SPTA1: variants seen among roughly 807,000 people sequenced by gnomAD.
SPTA1 encodes the protein spectrin alpha chain, erythrocytic 1.
In SPTA1, 177 loss-of-function variants were observed where a neutral mutation model predicts 324.7. The observed-to-expected ratio is 0.55, with a 90% CI of 0.48 to 0.62. SPTA1 has a LOEUF of 0.62. Ranked by LOEUF, SPTA1 falls within the 20% of genes least tolerant of loss-of-function variation. The pLI is 0.00. For synonymous variants in SPTA1, 1,195 were observed against 1,041.3 expected (o/e 1.15, Z -2.84); for missense variants, 3,162 against 2,883.6 (o/e 1.10, Z -2.21).
intron 15 of SPTA1, 127 bp downstream of exon 15, chr1:158,667,731 C>A (rs912372800): frequency 1.3e-5 from 13 of 972,182 alleles, no homozygotes; most frequent in Non-Finnish European, 1.8e-5. Context: ...AAAAGAAAGA[C>A]ACATGGAAGC....
chr1:158,684,660 A>T (rs900901488), intron 2 of SPTA1, among the ~76,000 whole-genome samples: 1 of 152,112 alleles, frequency 6.6e-6, no homozygotes, highest in Admixed American at 6.6e-5. Flanking sequence ...ATACACTTAC[A>T]TTACCATAAT....
chr1:158,651,795 T>C (rs534145503), intron 23 of SPTA1, among the ~76,000 whole-genome samples: 15 of 152,008 alleles, frequency 9.9e-5, no homozygotes, highest in Non-Finnish European at 2.2e-4. Flanking sequence ...TTTCTACCAG[T>C]ACAAACTCCA....
intron 40 of SPTA1, 78 bp from the exon 41 acceptor site, chr1:158,627,085 A>G: frequency 6.4e-7 from 1 of 1,562,956 alleles, no homozygotes; most frequent in South Asian, 1.1e-5. Context: ...AATAGAAAGC[A>G]CTCATCTCTC....
At chr1:158,656,685 A>G (rs1289942461) in intron 19 of SPTA1, 29 bp from the exon 20 acceptor site, 2 of 1,574,388 alleles carry the variant, frequency 1.3e-6, no homozygotes, top group African/African-American at 1.4e-5. Flanking sequence ...GATCATCAGA[A>G]TGAATATAGG....
At chr1:158,656,066 C>T (rs965062899) in intron 20 of SPTA1, among the ~76,000 whole-genome samples, 1 of 152,136 alleles carries the variant, frequency 6.6e-6, no homozygotes, top group African/African-American at 2.4e-5. Context: ...ACACAAGAGG[C>T]CTTTCTTTGA....
chr1:158,647,427 A>C, intron 27 of SPTA1, 112 bp downstream of exon 27: 1 of 1,337,558 alleles, frequency 7.5e-7, no homozygotes, highest in Non-Finnish European at 1.1e-6. Flanking sequence ...AAGAGGTGAG[A>C]CTTAAACGTA....
At chr1:158,620,060 C>T in intron 44 of SPTA1, 110 bp downstream of exon 44, 2 of 1,353,896 alleles carry the variant, frequency 1.5e-6, no homozygotes, top group Non-Finnish European at 2.1e-6. Context: ...ACTTCTGTCC[C>T]AGTATAGTTA....
intron 39 of SPTA1, among the ~76,000 whole-genome samples, chr1:158,628,716 ATT>A (rs1650461960): frequency 6.6e-6 from 1 of 152,142 alleles, no homozygotes; most frequent in Admixed American, 6.5e-5. Context: ...TTCGCCTTCT[ATT>A]TTCAAATAAT....
At chr1:158,614,680 A>T (rs1649451908) in intron 48 of SPTA1, 2 of 212,580 alleles carry the variant, frequency 9.4e-6, no homozygotes, top group Non-Finnish European at 1.9e-5. Context: ...GAGTTACAGC[A>T]GAAAATATAT....
chr1:158,614,019 G>T lies in SPTA1; in HGVS notation c.6843-152C>A. 7 of 958,528 alleles carry T rather than the reference G, an allele frequency of 7.3e-6. No homozygotes were observed. In the South Asian group the frequency reaches 8.0e-5, roughly 11 times the overall value. 59.4% of individuals were successfully genotyped at this position (958,528 alleles called of 1,614,324 possible). ...TGAATACAAAGCCTGTCTGTGTCAT[G>T]TACATTTTTTTAACCTAATGGATAG... On this transcript the variant is annotated intron_variant, in intron 49 of 51. Transcript: ENST00000643759.
intron 43 of SPTA1, among the ~76,000 whole-genome samples, chr1:158,621,056 T>G (rs769061345): frequency 2.0e-5 from 3 of 152,168 alleles, no homozygotes; most frequent in Non-Finnish European, 4.4e-5. Flanking sequence ...TTCAAACCAC[T>G]GCTTAAACTT....
chr1:158,642,785 A>G, intron 32 of SPTA1, 29 bp downstream of exon 32: 3 of 1,613,680 alleles, frequency 1.9e-6, no homozygotes, highest in Non-Finnish European at 2.5e-6. Context: ...GAATGGTGAA[A>G]TTTTCCAAGA....
intron 22 of SPTA1, 118 bp downstream of exon 22, chr1:158,653,156 A>G: frequency 6.7e-7 from 1 of 1,501,206 alleles, no homozygotes; most frequent in Non-Finnish European, 9.2e-7. Context: ...CGATTCTTAA[A>G]ATCTTCAGAT....
chr1:158,637,834 C>A (rs1327194721), intron 36 of SPTA1, among the ~76,000 whole-genome samples, 199 bp downstream of exon 36: 42 of 152,204 alleles, frequency 2.8e-4, no homozygotes, highest in Admixed American at 2.7e-3. Flanking sequence ...TTCCTCCACA[C>A]CTGTCTTTCT....
At chr1:158,675,233 T>G (rs1654314987) in intron 8 of SPTA1, among the ~76,000 whole-genome samples, 1 of 152,194 alleles carries the variant, frequency 6.6e-6, no homozygotes, top group African/African-American at 2.4e-5. Context: ...GAATTAATAC[T>G]GAAATGATGC....
intron 27 of SPTA1, among the ~76,000 whole-genome samples, chr1:158,647,015 C>G (rs1245232752): frequency 1.3e-5 from 2 of 152,092 alleles, no homozygotes; most frequent in Non-Finnish European, 2.9e-5. Flanking sequence ...CTTACCACCC[C>G]CTCCCCAAAC....
In SPTA1 at chr1:158,615,504, ATCT is replaced by A. The variant is rs1404154839; in HGVS notation, c.6601-104_6601-102del. On this transcript the variant is annotated intron_variant, in intron 47 of 51. Coordinates refer to ENST00000643759, the MANE Select transcript of SPTA1 (RefSeq NM_003126.4). ...TAACAGGCTGATTTTATTTTCAGGA[ATCT>A]TCTTGTTCTCTGTGAAAAGATGAAC... 5.0e-5 allele frequency: 60 copies of A among 1,190,284 alleles called. No homozygotes were observed. In the East Asian group the frequency reaches 1.3e-3, roughly 26 times the overall value. 73.7% of individuals were successfully genotyped at this position (1,190,284 alleles called of 1,614,324 possible).
chr1:158,613,830 T>C lies in SPTA1; in HGVS notation c.6880A>G (p.Lys2294Glu), dbSNP rs1649395519. Residue 2294 changes from lysine (K) to glutamate (E), a missense_variant, in exon 50 of 52, where the codon AAA (lysine) becomes GAA (glutamate). Transcript: ENST00000643759. ...DENLTGRLTHKEFRSCLRGLN... is the reference protein window; with the variant it reads ...DENLTGRLTHEEFRSCLRGLN... ...CCTCTCAGGCAGGACCGGAACTCTT[T>C]GTGAGTCAGGCGCCCTGTCAAATTC... The C allele has an allele frequency of 6.2e-7, 1 of 1,613,866 alleles. No individual in the cohort carries two copies. Among genetic ancestry groups the C allele is most frequent in the Non-Finnish European group, 8.5e-7 (1 of 1,179,916 alleles).
chr1:158,682,320 A>C (rs1245192813), intron 3 of SPTA1, among the ~76,000 whole-genome samples: 1 of 152,178 alleles, frequency 6.6e-6, no homozygotes, highest in Non-Finnish European at 1.5e-5. Flanking sequence ...TGTGGACCAC[A>C]TATGTCGTTA....
Sources: allele counts gnomAD v4.1 joint callset (sites outside exome capture counted in the v4.1 genomes callset), GRCh38; gene constraint gnomAD v4.1.1; transcripts MANE v1.5; gene names NCBI Gene and HGNC (gene_info 2026-07-23, HGNC 2026-07-21).